ANXA13: variants seen among roughly 807,000 people sequenced by gnomAD.
The protein encoded by ANXA13 is annexin XIII.
Under a neutral mutation model 46.6 loss-of-function variants are expected in ANXA13, and 36 were observed. The observed-to-expected ratio is 0.77, with a 90% CI of 0.59 to 1.02. The LOEUF is 1.02. Ranked by LOEUF, ANXA13 falls within the 50% of genes least tolerant of loss-of-function variation. ANXA13 has a pLI of 0.00. For synonymous variants in ANXA13, 163 were observed against 152.9 expected (o/e 1.07, Z -0.49); for missense variants, 417 against 396.5 (o/e 1.05, Z -0.44).
chr8:123,711,491 T>C (rs1002676560), intron 2 of ANXA13: 1 of 152,636 alleles, frequency 6.6e-6, no homozygotes, highest in Non-Finnish European at 1.5e-5. Flanking sequence ...GGTCTACCTT[T>C]GTTTTGACTT....
At chr8:123,728,338 A>G (rs1170124647) in intron 1 of ANXA13, 1 of 152,200 alleles carries the variant, frequency 6.6e-6, no homozygotes. Context: ...AACTTGGAGG[A>G]TAAAGTGGTT....
chr8:123,716,167 C>G (rs1209586130), intron 1 of ANXA13, among the ~76,000 whole-genome samples: 2 of 152,146 alleles, frequency 1.3e-5, no homozygotes, highest in African/African-American at 4.8e-5. Context: ...TTCCCTGCAG[C>G]CTCTGCCTCC....
At chr8:123,693,648 T>C (rs1813280925) in intron 7 of ANXA13, 63 bp downstream of exon 7, 1 of 1,404,976 alleles carries the variant, frequency 7.1e-7, no homozygotes, top group Non-Finnish European at 9.9e-7. Context: ...AAACATTTGT[T>C]GAAAATAATG....
At chr8:123,719,098 G>A (rs1261157467) in intron 1 of ANXA13, among the ~76,000 whole-genome samples, 1 of 152,188 alleles carries the variant, frequency 6.6e-6, no homozygotes, top group African/African-American at 2.4e-5. Context: ...TTTGCAAATT[G>A]GTTGCTCTAA....
intron 10 of ANXA13, 51 bp from the exon 11 acceptor site, chr8:123,681,410 C>T: frequency 6.3e-7 from 1 of 1,575,086 alleles, no homozygotes; most frequent in Non-Finnish European, 8.7e-7. Flanking sequence ...GGTGTGTTCA[C>T]AAACAGTGGG....
At position 123,699,727 on chromosome 8, in the gene ANXA13, A is replaced by C. The variant is rs575062864; in HGVS notation, c.187-1168T>G. On this transcript the variant is annotated intron_variant, in intron 3 of 10. Coordinates refer to ENST00000419625, the MANE Select transcript of ANXA13 (RefSeq NM_004306.4). Reference sequence around the variant, plus strand: ...CCATAGACAAGCTGGCATTTCAAGGACACAAACTATAGCATAGGGTGGGCA... The same window carrying C: ...CCATAGACAAGCTGGCATTTCAAGGCCACAAACTATAGCATAGGGTGGGCA... 2.0e-5 allele frequency among the ~76,000 whole-genome samples: 3 copies of C among 152,312 alleles called. No individual in the cohort carries two copies. In the South Asian group the frequency reaches 6.2e-4, roughly 32 times the overall value.
intron 3 of ANXA13, 71 bp downstream of exon 3, chr8:123,702,570 TG>T: frequency 8.3e-7 from 1 of 1,211,874 alleles, no homozygotes; most frequent in Non-Finnish European, 1.2e-6. Context: ...CTGCGTGGCC[TG>T]GGGACATGAG....
In ANXA13 at chr8:123,698,481, C is replaced by T. The variant is rs765446956; in HGVS notation, c.265G>A (p.Glu89Lys). Residue 89 changes from glutamate (E) to lysine (K), a missense_variant, in exon 4 of 11, where the codon GAG (glutamate) becomes AAG (lysine). Coordinates refer to ENST00000419625, the MANE Select transcript of ANXA13 (RefSeq NM_004306.4). The part of the protein sequence containing the change: ...TALALLDRPS[E>K]YAARQLQKAM... ...TTCTGCAGCTGCCGGGCGGCGTACT[C>T]GCTGGGACGGTCCAGAAGGGCCAAC... is the stretch of plus-strand genomic sequence containing the variant. The T allele has an allele frequency of 1.1e-5, 17 of 1,614,198 alleles. No homozygotes were observed. The highest frequency in any genetic ancestry group is 1.7e-5 in the Admixed American group (1 of 60,028).
intron 1 of ANXA13, among the ~76,000 whole-genome samples, chr8:123,732,620 A>G (rs1814141464): frequency 6.6e-6 from 1 of 150,410 alleles, no homozygotes. Context: ...TCCTTCTATC[A>G]GTGTATCTGT....
intron 1 of ANXA13, among the ~76,000 whole-genome samples, chr8:123,716,692 C>T: frequency 6.6e-6 from 1 of 152,062 alleles, no homozygotes; most frequent in Admixed American, 6.6e-5. Context: ...GAACGGGTGT[C>T]CTATGGCTTG....
At chr8:123,691,474 G>A (rs1335389527) in intron 8 of ANXA13, among the ~76,000 whole-genome samples, 2 of 152,168 alleles carry the variant, frequency 1.3e-5, no homozygotes, top group South Asian at 2.1e-4. Context: ...TGTTCACCCA[G>A]GGAGACGCCC....
At chr8:123,684,494 G>C (rs903637159) in intron 10 of ANXA13, 116 bp downstream of exon 10, 21 of 679,792 alleles carry the variant, frequency 3.1e-5, no homozygotes, top group African/African-American at 1.8e-4. Flanking sequence ...GCAAGGGGCC[G>C]TCTCTGTTTT....
chr8:123,737,016 C>CT (rs35962046), intron 1 of ANXA13, among the ~76,000 whole-genome samples: 53 of 145,378 alleles, frequency 3.6e-4, no homozygotes, highest in East Asian at 4.0e-4. Context: ...ACCTAGCTAA[C>CT]TTTTTTTTTT....
intron 1 of ANXA13, among the ~76,000 whole-genome samples, chr8:123,723,113 C>G (rs895326460): frequency 6.6e-6 from 1 of 152,168 alleles, no homozygotes; most frequent in African/African-American, 2.4e-5. Flanking sequence ...TATCACTTCT[C>G]CCTGCTTGAC....
intron 2 of ANXA13, among the ~76,000 whole-genome samples, chr8:123,708,442 A>G (rs949447713): frequency 3.3e-5 from 5 of 152,204 alleles, no homozygotes; most frequent in African/African-American, 7.2e-5. Flanking sequence ...TTGGGCTCCA[A>G]TGCCAGCCCA....
intron 9 of ANXA13, among the ~76,000 whole-genome samples, chr8:123,687,832 A>T (rs1403154393): frequency 6.6e-6 from 1 of 152,198 alleles, no homozygotes; most frequent in Non-Finnish European, 1.5e-5. Context: ...GCAGAAAGAA[A>T]GAAGGAGCCT....
At chr8:123,720,691 TGTGTGTGA>T (rs1448771701) in intron 1 of ANXA13, among the ~76,000 whole-genome samples, 1 of 151,530 alleles carries the variant, frequency 6.6e-6, no homozygotes, top group Non-Finnish European at 1.5e-5. Context: ...TGTGTGTGTG[TGTGTGTGA>T]GTTAAGAACA....
intron 1 of ANXA13, among the ~76,000 whole-genome samples, chr8:123,714,618 G>C (rs961046293): frequency 2.0e-4 from 30 of 152,206 alleles, no homozygotes; most frequent in African/African-American, 6.8e-4. Flanking sequence ...ACATCTGTGG[G>C]CTGAAGGTGA....
In ANXA13 at chr8:123,684,783, A is replaced by AC. The variant is rs951566943; in HGVS notation, c.719-62dup. 22 of 1,291,238 alleles carry AC rather than the reference A, an allele frequency of 1.7e-5. 1 individual carries two copies. Among genetic ancestry groups the AC allele is most frequent in the African/African-American group, 1.3e-4 (9 of 68,474 alleles). 80.0% of individuals were successfully genotyped at this position (1,291,238 alleles called of 1,614,324 possible). A position where few individuals can be genotyped will look rare whatever the true frequency, so the allele number is the denominator to read the frequency against. On this transcript the variant is annotated intron_variant, in intron 9 of 10. Coordinates refer to ENST00000419625, the MANE Select transcript of ANXA13 (RefSeq NM_004306.4). ...TCACGTTTTGTGGAATGACCTTGGG[A>AC]CCCCCCTAAATGTCACCTGGCTGCC...
Sources: gnomAD v4.1 joint callset for allele counts (sites outside exome capture counted in the v4.1 genomes callset) on GRCh38, gnomAD v4.1.1 for gene constraint, MANE v1.5 for transcripts, NCBI Gene and HGNC (gene_info 2026-07-23, HGNC 2026-07-21) for gene names.